The following MAPRE2 variants were observed in gnomAD, a reference collection of about 807,000 sequenced individuals.
The protein encoded by MAPRE2 is microtubule-associated protein RP/EB family member 2.
MAPRE2 carries 13 observed loss-of-function variants against 43.2 expected under a neutral mutation model. The ratio of observed to expected loss-of-function variants is 0.30; its 90% CI spans 0.20 to 0.48. MAPRE2 has a LOEUF of 0.48. MAPRE2 is among the 20% of genes least tolerant of loss of function. MAPRE2 has a pLI of 0.99. For synonymous variants in MAPRE2, 135 were observed against 148.8 expected (o/e 0.91, Z 0.68); for missense variants, 161 against 400.2 (o/e 0.40, Z 5.10).
intron 1 of MAPRE2, among the ~76,000 whole-genome samples, chr18:35,047,623 G>T (rs1905696310): frequency 1.3e-5 from 2 of 151,026 alleles, no homozygotes; most frequent in South Asian, 4.2e-4. Context: ...CCCCAAAGAT[G>T]ATCATTTACT....
intron 1 of MAPRE2, among the ~76,000 whole-genome samples, chr18:34,995,950 C>A (rs555400563): frequency 6.6e-6 from 1 of 152,140 alleles, no homozygotes; most frequent in Non-Finnish European, 1.5e-5. Flanking sequence ...CACCCCTCAA[C>A]GGCTAGACGT....
At chr18:35,122,987 A>AG (rs965431923) in intron 4 of MAPRE2, among the ~76,000 whole-genome samples, 6 of 152,240 alleles carry the variant, frequency 3.9e-5, no homozygotes, top group Admixed American at 2.0e-4. Context: ...TGTGGCTAGA[A>AG]GGGGGAGAGC....
At chr18:35,107,468 A>G (rs1001329907) in intron 4 of MAPRE2, among the ~76,000 whole-genome samples, 9 of 151,802 alleles carry the variant, frequency 5.9e-5, no homozygotes, top group African/African-American at 1.9e-4. Context: ...CCTGTCATCT[A>G]AGTACTCATC....
intron 3 of MAPRE2, among the ~76,000 whole-genome samples, chr18:35,098,109 A>G (rs1298304062): frequency 6.6e-6 from 1 of 152,218 alleles, no homozygotes; most frequent in Admixed American, 6.5e-5. Context: ...CTCAATGTCC[A>G]TAATTTGCCC....
intron 5 of MAPRE2, among the ~76,000 whole-genome samples, chr18:35,129,764 C>G (rs1463811663): frequency 2.0e-5 from 3 of 152,190 alleles, no homozygotes; most frequent in African/African-American, 2.4e-5. Context: ...TATGGCCACA[C>G]TGGGAGGAGT....
intron 1 of MAPRE2, among the ~76,000 whole-genome samples, chr18:35,044,294 A>C (rs144621064): frequency 0.015 from 2,299 of 152,294 alleles, 70 homozygotes; most frequent in African/African-American, 0.053. Flanking sequence ...GTAATGGCGC[A>C]ATCTCTGCTC....
At chr18:35,061,723 A>G (rs919112646) in intron 1 of MAPRE2, among the ~76,000 whole-genome samples, 3 of 152,232 alleles carry the variant, frequency 2.0e-5, no homozygotes, top group African/African-American at 7.2e-5. Context: ...GCGAAACTCC[A>G]TAGTTCCTGT....
chr18:34,989,011 GCA>G (rs1333958057), intron 1 of MAPRE2, among the ~76,000 whole-genome samples: 1 of 152,072 alleles, frequency 6.6e-6, no homozygotes, highest in Non-Finnish European at 1.5e-5. Context: ...GGAAGAGCCT[GCA>G]CAGTCATTTT....
At chr18:35,010,296 T>C (rs897843138) in intron 2 of MAPRE2, among the ~76,000 whole-genome samples, 2 of 152,178 alleles carry the variant, frequency 1.3e-5, no homozygotes, top group Non-Finnish European at 2.9e-5. Context: ...GTTGCAGCTA[T>C]TCAGGAGGCT....
At chr18:34,996,677 G>A (rs1177388180) in intron 1 of MAPRE2, among the ~76,000 whole-genome samples, 1 of 152,198 alleles carries the variant, frequency 6.6e-6, no homozygotes, top group Non-Finnish European at 1.5e-5. Context: ...GAGTAAATGA[G>A]CTGATGCACC....
chr18:35,126,848 A>T, intron 4 of MAPRE2, 100 bp from the exon 5 acceptor site: 1 of 988,260 alleles, frequency 1.0e-6, no homozygotes, highest in East Asian at 2.5e-5. Flanking sequence ...GGTATCTCTT[A>T]TATGTTGTTG....
At chr18:35,082,245 G>C (rs1907674292) in intron 2 of MAPRE2, 4 of 69,942 alleles carry the variant, frequency 5.7e-5, no homozygotes, top group Non-Finnish European at 8.7e-5. Context: ...AGCCGAGATT[G>C]CGCCACTGCA....
At chr18:34,983,624 A>C (rs953386681) in intron 1 of MAPRE2, among the ~76,000 whole-genome samples, 1 of 152,046 alleles carries the variant, frequency 6.6e-6, no homozygotes, top group Non-Finnish European at 1.5e-5. Context: ...ATTTCTTTTC[A>C]TTTAATTTCA....
At chr18:35,059,379 G>T (rs1906402039) in intron 1 of MAPRE2, among the ~76,000 whole-genome samples, 1 of 151,596 alleles carries the variant, frequency 6.6e-6, no homozygotes, top group African/African-American at 2.4e-5. Flanking sequence ...ACCCTAGTCT[G>T]TTCCTAGCCA....
At chr18:35,089,407 A>G (rs921863406) in intron 2 of MAPRE2, among the ~76,000 whole-genome samples, 1 of 152,246 alleles carries the variant, frequency 6.6e-6, no homozygotes, top group African/African-American at 2.4e-5. Flanking sequence ...CAAATCATAT[A>G]TCTGATAAGG....
At chr18:35,033,619 G>T (rs1489621935) in intron 2 of MAPRE2, among the ~76,000 whole-genome samples, 3 of 150,122 alleles carry the variant, frequency 2.0e-5, no homozygotes, top group Non-Finnish European at 3.0e-5. Flanking sequence ...AAACCCCATT[G>T]TCTCAGCCCA....
chr18:35,060,179 TG>T (rs1249234510), intron 1 of MAPRE2, among the ~76,000 whole-genome samples: 1 of 152,006 alleles, frequency 6.6e-6, no homozygotes, highest in Non-Finnish European at 1.5e-5. Context: ...GGAAAAGACC[TG>T]GGATCATGGG....
intron 3 of MAPRE2, among the ~76,000 whole-genome samples, chr18:35,101,228 A>G (rs561214048): frequency 1.5e-4 from 23 of 152,198 alleles, no homozygotes; most frequent in Non-Finnish European, 2.8e-4. Flanking sequence ...AAAATCAATA[A>G]TGATGTTTTG....
intron 2 of MAPRE2, among the ~76,000 whole-genome samples, chr18:35,019,447 G>A (rs927898400): frequency 4.6e-5 from 7 of 151,894 alleles, no homozygotes; most frequent in South Asian, 2.1e-4. Context: ...ATTTGAGTCC[G>A]GAATTTGTCA....
Sources: gnomAD v4.1 joint callset for allele counts (sites outside exome capture counted in the v4.1 genomes callset) on GRCh38, gnomAD v4.1.1 for gene constraint, MANE v1.5 for transcripts, NCBI Gene and HGNC (gene_info 2026-07-23, HGNC 2026-07-21) for gene names.